The following FRAS1 variants were observed in gnomAD, a reference collection of about 807,000 sequenced individuals.
The protein encoded by FRAS1 is extracellular matrix organizing protein FRAS1.
FRAS1 carries 290 observed loss-of-function variants against 435.2 expected under a neutral mutation model. The ratio of observed to expected loss-of-function variants is 0.67; its 90% CI spans 0.61 to 0.73. The LOEUF (loss-of-function observed/expected upper bound fraction) is 0.73, where lower values mean the gene tolerates loss of function less well. Among genes scored for constraint, FRAS1 ranks in the 30% least tolerant of loss-of-function variants. FRAS1 has a pLI of 0.00. For synonymous variants in FRAS1, 1,800 were observed against 1,851.0 expected (o/e 0.97, Z 0.71); for missense variants, 4,860 against 5,001.5 (o/e 0.97, Z 0.85).
intron 2 of FRAS1, among the ~76,000 whole-genome samples, chr4:78,109,581 G>T (rs1283536606): frequency 9.4e-6 from 1 of 106,436 alleles, no homozygotes; most frequent in Non-Finnish European, 1.9e-5. Flanking sequence ...AATAAATTAG[G>T]TATTGATGGG....
intron 2 of FRAS1, among the ~76,000 whole-genome samples, chr4:78,195,074 C>G (rs1453925967): frequency 6.6e-6 from 1 of 152,232 alleles, no homozygotes; most frequent in African/African-American, 2.4e-5. Flanking sequence ...GAAGCAGAGG[C>G]TGCAGAACAG....
chr4:78,447,863 T>C (rs535162671), intron 43 of FRAS1, among the ~76,000 whole-genome samples, 190 bp from the exon 44 acceptor site: 112 of 152,282 alleles, frequency 7.4e-4, no homozygotes, highest in Non-Finnish European at 1.4e-3. Context: ...GTCTTCTTTA[T>C]TTGTGTATGA....
chr4:78,269,690 A>G (rs1726556334), intron 9 of FRAS1, among the ~76,000 whole-genome samples: 1 of 152,246 alleles, frequency 6.6e-6, no homozygotes. Flanking sequence ...AAACATTGAA[A>G]CATAAACAAA....
intron 14 of FRAS1, among the ~76,000 whole-genome samples, chr4:78,289,168 C>T (rs977724887): frequency 3.3e-5 from 5 of 152,160 alleles, no homozygotes; most frequent in East Asian, 3.9e-4. Context: ...CAAAAGAGTA[C>T]AAGCAGGTAA....
chr4:78,403,803 T>C (rs1340328542), intron 30 of FRAS1, among the ~76,000 whole-genome samples: 1 of 152,224 alleles, frequency 6.6e-6, no homozygotes, highest in Non-Finnish European at 1.5e-5. Context: ...CATCATAGCT[T>C]AGCCTAGCCT....
chr4:78,315,856 G>T (rs1729224680), intron 16 of FRAS1, 122 bp downstream of exon 16: 6 of 1,093,458 alleles, frequency 5.5e-6, no homozygotes, highest in Non-Finnish European at 6.7e-6. Context: ...AACTTTAAAA[G>T]ATAGCTTTTT....
rs1010558518 is a variant in FRAS1 at position 78,507,451 on chromosome 4, T to C, written c.9347T>C (p.Ile3116Thr). ...GATCATATCTTTTTTAAAGTTGAGA[T>C]CCTGTCCAATGAAGACCGGGAATGG... ...GVDHIFFKVE[I>T]LSNEDREWHE... The change falls in exon 62 of 74, where the codon ATC becomes ACC. Residue 3116 changes from isoleucine to threonine, a missense_variant. Ile to Thr is a moderately conservative substitution (Grantham distance 89, BLOSUM62 -1). Coordinates refer to ENST00000512123, the MANE Select transcript of FRAS1 (RefSeq NM_025074.7). 4.3e-6 allele frequency: 7 copies of C among 1,611,668 alleles called. No homozygotes were observed. The highest frequency in any genetic ancestry group is 2.2e-5 in the East Asian group (1 of 44,716).
chr4:78,436,906 G>T (rs189313034), intron 38 of FRAS1, among the ~76,000 whole-genome samples: 5 of 152,170 alleles, frequency 3.3e-5, no homozygotes, highest in East Asian at 3.9e-4. Flanking sequence ...TCTAGTCCTC[G>T]TGTTGAATGA....
chr4:78,274,484 A>T (rs1226703204), intron 9 of FRAS1, among the ~76,000 whole-genome samples: 4 of 151,852 alleles, frequency 2.6e-5, no homozygotes, highest in Non-Finnish European at 4.4e-5. Flanking sequence ...ACACTGCTTT[A>T]CATGTGTCCC....
chr4:78,445,560 G>T lies in FRAS1; in HGVS notation c.5704G>T (p.Ala1902Ser), dbSNP rs1718790388. ...CCCTGAAACTGCCAGTGACCTAGAG[G>T]CATCATTTCCTATTCAAGACGTCCT... ...FGPETASDLE[A>S]SFPIQDVLEN... The change falls in exon 42 of 74, where the codon GCA (alanine) becomes TCA (serine). Residue 1902 changes from alanine to serine, a missense_variant. Transcript: ENST00000512123. 6.2e-7 allele frequency: 1 copy of T among 1,607,886 alleles called. No homozygotes were observed. Among genetic ancestry groups the T allele is most frequent in the Non-Finnish European group, 8.5e-7 (1 of 1,176,404 alleles).
intron 2 of FRAS1, among the ~76,000 whole-genome samples, chr4:78,118,546 C>A (rs547286847): frequency 6.6e-6 from 1 of 152,318 alleles, no homozygotes; most frequent in East Asian, 1.9e-4. Flanking sequence ...GCCTCACTGC[C>A]GCCTTGCAGT....
At chr4:78,486,795 G>A (rs904868296) in intron 58 of FRAS1, among the ~76,000 whole-genome samples, 5 of 150,326 alleles carry the variant, frequency 3.3e-5, no homozygotes, top group Admixed American at 2.0e-4. Context: ...GCAATCAGAA[G>A]ATGTGTCCAC....
chr4:78,108,797 C>A (rs1742530638), intron 2 of FRAS1, among the ~76,000 whole-genome samples: 1 of 117,652 alleles, frequency 8.5e-6, no homozygotes, highest in Non-Finnish European at 1.7e-5. Context: ...TTCAAAAAAT[C>A]AATGAATCCA....
At chr4:78,533,466 A>G (rs1721785647) in intron 70 of FRAS1, among the ~76,000 whole-genome samples, 1 of 152,240 alleles carries the variant, frequency 6.6e-6, no homozygotes, top group African/African-American at 2.4e-5. Context: ...CTGTAGAAAT[A>G]GGCAGAGGCC....
rs773268262 is a variant in FRAS1 at position 78,540,878 on chromosome 4, G to A, written c.11793G>A (p.Gln3931=). ...CTTGTTTTATCAACAGGAAATGCCA[G>A]AAACAGAGGAAGAAGAAGCCCGCAG... The part of the protein sequence containing the change: ...LVACFINRKC[Q]KQRKKKPAED... The change falls in exon 74 of 74, where the codon CAG becomes CAA. Residue 3931 remains glutamine (Q), a synonymous_variant. Coordinates refer to ENST00000512123, the MANE Select transcript of FRAS1 (RefSeq NM_025074.7). The A allele has an allele frequency of 6.2e-7, 1 of 1,613,952 alleles. No homozygotes were observed.
intron 72 of FRAS1, among the ~76,000 whole-genome samples, chr4:78,537,861 A>G (rs553578499): frequency 2.6e-5 from 4 of 151,914 alleles, no homozygotes; most frequent in Middle Eastern, 3.4e-3. Context: ...TGAGAAAATC[A>G]CTTGAGACTG....
chr4:78,428,733 A>G (rs934120327), intron 35 of FRAS1, among the ~76,000 whole-genome samples: 3 of 152,212 alleles, frequency 2.0e-5, no homozygotes, highest in Admixed American at 2.0e-4. Flanking sequence ...AAATATTTCC[A>G]TAATCAAAAG....
chr4:78,506,216 T>G (rs922278988), intron 61 of FRAS1, among the ~76,000 whole-genome samples: 2 of 152,234 alleles, frequency 1.3e-5, no homozygotes, highest in African/African-American at 4.8e-5. Context: ...AGGGACCCAC[T>G]TGAGGAGGCA....
chr4:78,100,866 C>T (rs953013280), intron 2 of FRAS1, among the ~76,000 whole-genome samples: 5 of 152,230 alleles, frequency 3.3e-5, no homozygotes, highest in South Asian at 2.1e-4. Flanking sequence ...GGAGAGCACA[C>T]GTGTTGTGAA....
Sources: gnomAD v4.1 joint callset for allele counts (sites outside exome capture counted in the v4.1 genomes callset) on GRCh38, gnomAD v4.1.1 for gene constraint, MANE v1.5 for transcripts, NCBI Gene and HGNC (gene_info 2026-07-23, HGNC 2026-07-21) for gene names.